The following PCMTD1 variants were observed in gnomAD, a reference collection of about 807,000 sequenced individuals.
PCMTD1 encodes the protein protein-L-isoaspartate (D-aspartate) O-methyltransferase domain containing 1.
In PCMTD1, 12 loss-of-function variants were observed where a neutral mutation model predicts 37.6. The ratio of observed to expected loss-of-function variants is 0.32; its 90% CI spans 0.20 to 0.52. The LOEUF is 0.52. PCMTD1 is among the 20% of genes least tolerant of loss of function. The pLI is 0.97. For missense variants in PCMTD1, 235 were observed against 421.3 expected (o/e 0.56, Z 3.87); for synonymous variants, 117 against 135.8 (o/e 0.86, Z 0.96).
Position 51,832,853 on chromosome 8 carries a change from A to C in PCMTD1, c.582+665T>G, listed in dbSNP as rs185259541. On this transcript the variant is annotated intron_variant, in intron 4 of 5. Transcript: ENST00000522514. ...CAAAATCAAACCACAAACAGGATTT[A>C]TTTTCTTTTCTGAGACAGGGTCTCA... 9.2e-5 allele frequency among the ~76,000 whole-genome samples: 14 copies of C among 152,184 alleles called. No individual in the cohort carries two copies. In the South Asian group the frequency reaches 2.3e-3, roughly 25 times the overall value.
rs2038059320 is a variant in PCMTD1 at position 51,835,795 on chromosome 8, T to C, written c.411-2106A>G. On this transcript the variant is annotated intron_variant, in intron 3 of 5. Coordinates refer to ENST00000522514, the MANE Select transcript of PCMTD1 (RefSeq NM_052937.4). Reference sequence around the variant, plus strand: ...AATATGTGGTAGCTTACAGAACTACTGCCAAGGAAATCACCATTACAGGTA... The same window carrying C: ...AATATGTGGTAGCTTACAGAACTACCGCCAAGGAAATCACCATTACAGGTA... Among the ~76,000 whole-genome samples the C allele has an allele frequency of 3.3e-5, 5 of 152,344 alleles. No homozygotes were observed. The South Asian group carries it at 1.0e-3, about 32-fold the overall frequency.
At chr8:51,823,238 T>C (rs1387265796) in intron 5 of PCMTD1, among the ~76,000 whole-genome samples, 1 of 152,212 alleles carries the variant, frequency 6.6e-6, no homozygotes, top group African/African-American at 2.4e-5. Flanking sequence ...CTGAAGCAGG[T>C]GGATCACTTG....
At chr8:51,891,670 CAA>C (rs1393330044) in intron 1 of PCMTD1, among the ~76,000 whole-genome samples, 2 of 129,992 alleles carry the variant, frequency 1.5e-5, no homozygotes, top group African/African-American at 5.3e-5. Flanking sequence ...AAAAAAAAAA[CAA>C]AAAATATATA....
intron 2 of PCMTD1, among the ~76,000 whole-genome samples, chr8:51,853,331 T>C (rs547698930): frequency 6.6e-6 from 1 of 152,220 alleles, no homozygotes; most frequent in East Asian, 1.9e-4. Context: ...AACCTCTGGC[T>C]CTAACCTGAC....
At chr8:51,894,993 T>C (rs1283269376) in intron 1 of PCMTD1, among the ~76,000 whole-genome samples, 1 of 152,142 alleles carries the variant, frequency 6.6e-6, no homozygotes, top group South Asian at 2.1e-4. Flanking sequence ...GAGAACAACA[T>C]TGGCAAATCT....
rs763634663 is a variant in PCMTD1, at chr8:51,833,692, G to A, written c.411-3C>T. Reference sequence around the variant, plus strand: ...ATGCAGGTTCACAGAACTCAAATCTGCATTGAAAAACAAACATTTTAATTC... The same window carrying A: ...ATGCAGGTTCACAGAACTCAAATCTACATTGAAAAACAAACATTTTAATTC... On this transcript the variant is annotated splice_region_variant and splice_polypyrimidine_tract_variant and intron_variant, in intron 3 of 5. Coordinates refer to ENST00000522514, the MANE Select transcript of PCMTD1 (RefSeq NM_052937.4). 6 of 1,595,900 alleles carry A rather than the reference G, an allele frequency of 3.8e-6. No individual in the cohort carries two copies. In the Admixed American group the frequency reaches 1.0e-4, roughly 28 times the overall value.
rs1013923381 is a variant in PCMTD1 at position 51,892,645 on chromosome 8, C to G, written c.-96+6285G>C. ...TCATTAGTAGGGAATATAGTTAAAT[C>G]AATTATAATTGAAATACAATCTATA... On this transcript the variant is annotated intron_variant, in intron 1 of 5. Transcript: ENST00000522514. Among the ~76,000 whole-genome samples the G allele has an allele frequency of 1.1e-4, 17 of 152,138 alleles. 1 individual carries two copies. The highest frequency in any genetic ancestry group is 9.8e-4 in the Admixed American group (15 of 15,286).
chr8:51,823,855 G>C (rs1477659749), intron 5 of PCMTD1, among the ~76,000 whole-genome samples: 1 of 152,106 alleles, frequency 6.6e-6, no homozygotes, highest in Non-Finnish European at 1.5e-5. Flanking sequence ...CCACAATCAA[G>C]TCTGCTTCAT....
intron 2 of PCMTD1, among the ~76,000 whole-genome samples, chr8:51,847,238 A>G (rs1285086108): frequency 1.3e-5 from 2 of 152,248 alleles, no homozygotes; most frequent in African/African-American, 4.8e-5. Context: ...TGACTTTTCA[A>G]TATATTAAAT....
At chr8:51,875,960 G>C (rs13278163) in intron 1 of PCMTD1, among the ~76,000 whole-genome samples, 59 of 114,008 alleles carry the variant, frequency 5.2e-4, no homozygotes, top group African/African-American at 1.4e-3. Context: ...GTGTGTGTGT[G>C]TCTGTGTGTG....
chr8:51,892,648 T>C (rs1046082242), intron 1 of PCMTD1, among the ~76,000 whole-genome samples: 3 of 152,224 alleles, frequency 2.0e-5, no homozygotes, highest in African/African-American at 7.2e-5. Flanking sequence ...GTTAAATCAA[T>C]TATAATTGAA....
intron 1 of PCMTD1, among the ~76,000 whole-genome samples, chr8:51,897,217 A>C (rs1187608038): frequency 6.6e-6 from 1 of 152,220 alleles, no homozygotes. Flanking sequence ...CTAGTGATTA[A>C]ATCAACAAAG....
intron 1 of PCMTD1, among the ~76,000 whole-genome samples, chr8:51,867,594 T>C (rs1333180928): frequency 1.3e-5 from 2 of 151,794 alleles, no homozygotes; most frequent in Non-Finnish European, 2.9e-5. Flanking sequence ...CATTTATATA[T>C]ATATAAATGG....
intron 2 of PCMTD1, among the ~76,000 whole-genome samples, chr8:51,850,597 C>G (rs144840401): frequency 1.3e-5 from 2 of 152,258 alleles, no homozygotes; most frequent in East Asian, 3.9e-4. Flanking sequence ...CTGTTTTAGA[C>G]TATCCAAATC....
chr8:51,868,900 C>T (rs1275735695), intron 1 of PCMTD1, among the ~76,000 whole-genome samples: 1 of 152,094 alleles, frequency 6.6e-6, no homozygotes, highest in Non-Finnish European at 1.5e-5. Context: ...TCATTATTAA[C>T]TTTTAAGGAA....
intron 5 of PCMTD1, 147 bp from the exon 6 acceptor site, chr8:51,820,865 GTTT>G: frequency 2.0e-6 from 2 of 982,398 alleles, no homozygotes; most frequent in Non-Finnish European, 2.9e-6. Flanking sequence ...TCTAACAAAG[GTTT>G]TGGAGTAGTC....
chr8:51,866,543 C>T (rs890321295), intron 1 of PCMTD1, among the ~76,000 whole-genome samples: 12 of 151,780 alleles, frequency 7.9e-5, no homozygotes, highest in Admixed American at 5.3e-4. Context: ...ACAGTCTCTT[C>T]AATAAGTGCT....
rs1388291689 is a variant in PCMTD1, at chr8:51,817,811, A to C, written c.*2540T>G. On this transcript the variant is annotated 3_prime_UTR_variant, in exon 6 of 6. Transcript: ENST00000522514. ...TAAATTATCTTCTTGGGTTGGTCTG[A>C]GGTTGCTGATGGATTCTTGGGATTG... is the stretch of plus-strand genomic sequence containing the variant. 1 of 456,572 alleles carries C rather than the reference A, an allele frequency of 2.2e-6. No homozygotes were observed. The highest frequency in any genetic ancestry group is 2.3e-5 in the Admixed American group (1 of 42,574). The allele number at this position is 456,572 out of a possible 1,614,324, so 28.3% of individuals were successfully genotyped here.
At position 51,898,955 on chromosome 8, in the gene PCMTD1, GC is replaced by G. The variant is rs764792361; in HGVS notation, c.-122del. ...CTGTGGCGCGGGCAGCGGCGCGCAG[GC>G]CAGGCGCTAGGACTCGGCGGGGTCC... On this transcript the variant is annotated 5_prime_UTR_variant, in exon 1 of 6. Transcript: ENST00000522514. 6.8e-7 allele frequency: 1 copy of G among 1,468,316 alleles called. No individual in the cohort carries two copies. Among genetic ancestry groups the G allele is most frequent in the South Asian group, 1.3e-5 (1 of 76,028 alleles). The allele number at this position is 1,468,316 out of a possible 1,614,324, so 91.0% of individuals were successfully genotyped here.
Sources: gnomAD v4.1 joint callset for allele counts (sites outside exome capture counted in the v4.1 genomes callset) on GRCh38, gnomAD v4.1.1 for gene constraint, MANE v1.5 for transcripts, NCBI Gene and HGNC (gene_info 2026-07-23, HGNC 2026-07-21) for gene names.